The following KIAA0586 variants were observed in gnomAD, a reference collection of about 807,000 sequenced individuals.
KIAA0586 encodes KIAA0586.
A neutral mutation model predicts 169.8 loss-of-function variants in KIAA0586; 144 were observed. The observed-to-expected ratio is 0.85, with a 90% confidence interval of 0.74 to 0.97. The LOEUF is 0.97. Among genes scored for constraint, KIAA0586 ranks in the 50% least tolerant of loss-of-function variants. KIAA0586 has a pLI of 0.00. For synonymous variants in KIAA0586, 625 were observed against 612.4 expected, an observed-to-expected ratio of 1.02 and a Z score of -0.30; for missense variants, 1,854 against 1,823.0, an observed-to-expected ratio of 1.02 and a Z score of -0.31.
chr14:58,556,136 T>A (rs1015934017), downstream of KIAA0586, among the ~76,000 whole-genome samples: 7 of 152,232 alleles, frequency 4.6e-5, no homozygotes, highest in African/African-American at 1.4e-4. Flanking sequence ...ATCCCACAGT[T>A]ATGAGCAATT....
chr14:58,468,501 T>A (rs916333301), intron 16 of KIAA0586, among the ~76,000 whole-genome samples: 20 of 152,252 alleles, frequency 1.3e-4, no homozygotes, highest in Admixed American at 1.2e-3. Flanking sequence ...TAATTAATTT[T>A]AAAAAGTTAA....
intron 19 of KIAA0586, among the ~76,000 whole-genome samples, chr14:58,475,613 G>A (rs1487395006): frequency 6.6e-6 from 1 of 151,936 alleles, no homozygotes; most frequent in South Asian, 2.1e-4. Flanking sequence ...TGAAATGAAC[G>A]CTATTATTTG....
chr14:58,488,643 G>T lies in KIAA0586; in HGVS notation c.3550G>T (p.Glu1184Ter). 6.2e-7 allele frequency: 1 copy of T among 1,613,880 alleles called. No homozygotes were observed. Among genetic ancestry groups the T allele is most frequent in the Non-Finnish European group, 8.5e-7 (1 of 1,179,860 alleles). Residue 1184 changes from glutamate to a stop codon, truncating the protein, a stop_gained, in exon 24 of 31, where the codon GAA becomes TAA. Transcript: ENST00000652326. LOFTEE classifies it high-confidence loss of function. ...TAGTGTAATGTCTGTGGCTAAGGAT[G>T]AAGAACCAGAGAGTATGGATTTCCC... ...RAIVMSVAKD[E>*]EPESMDFPAQ...
At chr14:58,555,643 A>G (rs1265658585), downstream of KIAA0586, among the ~76,000 whole-genome samples, 3 of 152,074 alleles carry the variant, frequency 2.0e-5, no homozygotes, top group African/African-American at 7.2e-5. Context: ...TTTATTTACC[A>G]TGGAGCTTAA....
intron 27 of KIAA0586, among the ~76,000 whole-genome samples, chr14:58,507,875 C>T (rs1167351351): frequency 6.6e-6 from 1 of 152,024 alleles, no homozygotes; most frequent in Non-Finnish European, 1.5e-5. Context: ...ACCTCCGCCT[C>T]CTGGGTTCAA....
intron 18 of KIAA0586, among the ~76,000 whole-genome samples, chr14:58,472,748 G>T (rs758147745): frequency 1.3e-5 from 2 of 151,538 alleles, no homozygotes; most frequent in Non-Finnish European, 1.5e-5. Context: ...ATAGGTGGAA[G>T]TAAATTATAA....
chr14:58,441,500 C>T (rs1336339010), intron 4 of KIAA0586, among the ~76,000 whole-genome samples: 1 of 151,508 alleles, frequency 6.6e-6, no homozygotes, highest in Non-Finnish European at 1.5e-5. Context: ...TGCACCTGGC[C>T]GATAATGTTA....
chr14:58,432,963 G>C lies in KIAA0586; in HGVS notation c.410+506G>C, dbSNP rs139072388. ...ACTCCTGGCCTCAGGTGATCTACCT[G>C]CTTCGGCCCTGCAAAGTGCTGGGGT... On this transcript the variant is annotated intron_variant, in intron 4 of 30. Coordinates refer to ENST00000652326, the MANE Select transcript of KIAA0586 (RefSeq NM_001329943.3). 5.2e-3 allele frequency: 789 copies of C among 152,512 alleles called. 3 individuals are homozygous for C. Among genetic ancestry groups the C allele is most frequent in the Non-Finnish European group, 8.1e-3 (552 of 68,286 alleles). The allele number at this position is 152,512 out of a possible 1,614,324, so 9.4% of individuals were successfully genotyped here. A position where few individuals can be genotyped will look rare whatever the true frequency, so the allele number is the denominator to read the frequency against.
intron 30 of KIAA0586, among the ~76,000 whole-genome samples, chr14:58,544,975 A>G (rs2046890625): frequency 6.6e-6 from 1 of 152,174 alleles, no homozygotes; most frequent in South Asian, 2.1e-4. Context: ...TCCCAACTCA[A>G]TGGCTACCTT....
the KIAA0586 span, among the ~76,000 whole-genome samples, chr14:58,557,733 A>C: frequency 1.0e-3 from 152 of 152,152 alleles, no homozygotes; most frequent in South Asian, 3.9e-3. Flanking sequence ...TAATGCTCCT[A>C]TTAGGCAGCT....
intron 15 of KIAA0586, 99 bp from the exon 16 acceptor site, chr14:58,467,636 T>G: frequency 1.2e-6 from 1 of 866,508 alleles, no homozygotes; most frequent in Non-Finnish European, 1.8e-6. Context: ...TAGGGCTTTT[T>G]TAAATATGAG....
chr14:58,494,887 CTT>C (rs1447300175), intron 26 of KIAA0586, among the ~76,000 whole-genome samples: 1 of 152,116 alleles, frequency 6.6e-6, no homozygotes, highest in Non-Finnish European at 1.5e-5. Context: ...AATAAGAAGA[CTT>C]TTATGGTTGA....
intron 6 of KIAA0586, among the ~76,000 whole-genome samples, chr14:58,445,437 CTTT>C (rs560212866): frequency 1.4e-5 from 2 of 142,048 alleles, no homozygotes; most frequent in Non-Finnish European, 1.5e-5. Flanking sequence ...CTTTCTTTTT[CTTT>C]TTTTTTTTTT....
rs2039885987 is a variant in KIAA0586, at chr14:58,456,733, A to G, written c.1285A>G (p.Lys429Glu). The part of the protein sequence containing the change: ...FPSCEELETT[K>E]VTMQKSDDVL... ...TTCCTGTGAAGAGCTAGAAACAACT[A>G]AAGTGACTATGCAGAAGTCTGATGA... is the stretch of plus-strand genomic sequence containing the variant. The change falls in exon 10 of 31, where the codon AAA becomes GAA. Residue 429 changes from lysine (K) to glutamate (E), a missense_variant. Physicochemically the swap from Lys to Glu is moderately conservative, Grantham distance 56 (BLOSUM62 1). Coordinates refer to ENST00000652326, the MANE Select transcript of KIAA0586 (RefSeq NM_001329943.3). 1.9e-6 allele frequency: 3 copies of G among 1,605,166 alleles called. No individual in the cohort carries two copies. Among genetic ancestry groups the G allele is most frequent in the South Asian group, 2.2e-5 (2 of 89,166 alleles).
intron 29 of KIAA0586, among the ~76,000 whole-genome samples, chr14:58,534,709 A>G (rs1398269602): frequency 6.6e-6 from 1 of 152,208 alleles, no homozygotes; most frequent in East Asian, 1.9e-4. Context: ...AGTACGGCCT[A>G]TGACTTAGTG....
chr14:58,553,153 CTG>C (rs2047226751), downstream of KIAA0586, among the ~76,000 whole-genome samples: 1 of 152,194 alleles, frequency 6.6e-6, no homozygotes, highest in Non-Finnish European at 1.5e-5. Flanking sequence ...AAAATATCGA[CTG>C]TGTGTAGTTT....
chr14:58,448,274 T>G (rs558593928), intron 6 of KIAA0586, 66 bp from the exon 7 acceptor site: 4 of 1,008,422 alleles, frequency 4.0e-6, no homozygotes, highest in Non-Finnish European at 5.8e-6. Flanking sequence ...AATATTTCAA[T>G]GTATTTTATC....
intron 14 of KIAA0586, among the ~76,000 whole-genome samples, chr14:58,465,001 G>A (rs1288746736): frequency 1.3e-5 from 2 of 152,094 alleles, no homozygotes; most frequent in African/African-American, 4.8e-5. Context: ...GAGCCTGGGA[G>A]GCAGAGGTTG....
chr14:58,471,332 A>G (rs1442919367), intron 17 of KIAA0586, among the ~76,000 whole-genome samples: 2 of 152,332 alleles, frequency 1.3e-5, no homozygotes, highest in Non-Finnish European at 2.9e-5. Flanking sequence ...GGAATTATAG[A>G]TATCCTAAAT....
Sources: allele counts gnomAD v4.1 joint callset (sites outside exome capture counted in the v4.1 genomes callset), GRCh38; gene constraint gnomAD v4.1.1; transcripts MANE v1.5; gene names NCBI Gene and HGNC (gene_info 2026-07-23, HGNC 2026-07-21).